Variants in WASL observed in about 807,000 individuals in gnomAD.
WASL encodes WASP like actin nucleation promoting factor, also known as actin nucleation-promoting factor WASL.
Under a neutral mutation model 55.5 loss-of-function variants are expected in WASL, and 20 were observed. The observed-to-expected ratio is 0.36, with a 90% CI of 0.25 to 0.52. The LOEUF (loss-of-function observed/expected upper bound fraction) is 0.52. Among genes scored for constraint, WASL ranks in the 20% least tolerant of loss-of-function variants. The pLI, the probability that WASL is intolerant of heterozygous loss-of-function variation, is 0.92. For synonymous variants in WASL, 249 were observed against 217.6 expected (o/e 1.14, Z -1.27); for missense variants, 504 against 622.5 (o/e 0.81, Z 2.03).
chr7:123,714,623 T>C (rs960005728), intron 1 of WASL, among the ~76,000 whole-genome samples: 1 of 152,188 alleles, frequency 6.6e-6, no homozygotes, highest in Non-Finnish European at 1.5e-5. Flanking sequence ...GTTCACCAAA[T>C]GTTTATGAAG....
intron 9 of WASL, among the ~76,000 whole-genome samples, chr7:123,691,216 C>T (rs1456935842): frequency 1.3e-5 from 2 of 152,078 alleles, no homozygotes; most frequent in African/African-American, 2.4e-5. Context: ...TTAAAACATC[C>T]TCTGTCGTCT....
chr7:123,729,632 C>T (rs1804106849), intron 1 of WASL, among the ~76,000 whole-genome samples: 2 of 152,122 alleles, frequency 1.3e-5, no homozygotes, highest in Non-Finnish European at 2.9e-5. Flanking sequence ...AATCAATCTA[C>T]AATGTAGCAC....
rs565880697 is a variant in WASL, at chr7:123,702,311, C to G, written c.460+2323G>C. Among the ~76,000 whole-genome samples, 342 of 152,294 alleles carry G rather than the reference C, an allele frequency of 2.2e-3. 1 individual carries two copies. The highest frequency in any genetic ancestry group is 7.8e-3 in the African/African-American group (325 of 41,560). On this transcript the variant is annotated intron_variant, in intron 5 of 10. Coordinates refer to ENST00000223023, the MANE Select transcript of WASL (RefSeq NM_003941.4). ...CCTCAGGTGATCCGCCCACCTCAGC[C>G]TCCCAAAGTGCTGGGATTACAGGCG...
rs1268973545 is a variant in WASL, at chr7:123,748,998, G to C, written c.-264C>G. On this transcript the variant is annotated 5_prime_UTR_variant, in exon 1 of 11. Transcript: ENST00000223023. ...ATGGTCGTTGTCCTCGCACTCCGGC[G>C]ACTGCGCTAAACTCCCAACTCCTCC... The C allele has an allele frequency of 2.0e-6, 1 of 497,312 alleles. No individual in the cohort carries two copies. The highest frequency in any genetic ancestry group is 3.5e-6 in the Non-Finnish European group (1 of 284,488). The allele number at this position is 497,312 out of a possible 1,614,324, so 30.8% of individuals were successfully genotyped here. A position where few individuals can be genotyped will look rare whatever the true frequency, so the allele number is the denominator to read the frequency against.
chr7:123,732,698 C>A (rs1804159875), intron 1 of WASL, among the ~76,000 whole-genome samples: 1 of 152,162 alleles, frequency 6.6e-6, no homozygotes, highest in South Asian at 2.1e-4. Flanking sequence ...GTAAAGCCAG[C>A]ATTAAGCTAA....
At chr7:123,725,155 A>G (rs1804020530) in intron 1 of WASL, among the ~76,000 whole-genome samples, 1 of 152,206 alleles carries the variant, frequency 6.6e-6, no homozygotes, top group South Asian at 2.1e-4. Flanking sequence ...GCACGAAATA[A>G]TTTTCAGTAC....
chr7:123,733,522 T>C (rs375260822), intron 1 of WASL, among the ~76,000 whole-genome samples: 4 of 152,154 alleles, frequency 2.6e-5, no homozygotes, highest in African/African-American at 7.2e-5. Context: ...CAGGTTCACA[T>C]AGGAAAAAAA....
At position 123,737,990 on chromosome 7, in the gene WASL, A is replaced by C. The variant is rs7811676; in HGVS notation, c.117+10628T>G. Reference sequence around the variant, plus strand: ...GCTCCTCCAAGTCACTAAGACAAAAACAAATAATCCAATAGAAAATTGGTC... The same window carrying C: ...GCTCCTCCAAGTCACTAAGACAAAACCAAATAATCCAATAGAAAATTGGTC... On this transcript the variant is annotated intron_variant, in intron 1 of 10. Transcript: ENST00000223023. Among the ~76,000 whole-genome samples the C allele has an allele frequency of 2.8e-3, 425 of 152,314 alleles. 5 individuals carry two copies. Among genetic ancestry groups the C allele is most frequent in the African/African-American group, 1.0e-2 (415 of 41,576 alleles).
chr7:123,734,160 T>A (rs1008652335), intron 1 of WASL, among the ~76,000 whole-genome samples: 4 of 152,096 alleles, frequency 2.6e-5, no homozygotes, highest in Non-Finnish European at 5.9e-5. Flanking sequence ...ATTAAAAACT[T>A]CTTTCTGTGA....
At chr7:123,692,161 G>A (rs1182557756) in intron 9 of WASL, among the ~76,000 whole-genome samples, 186 bp downstream of exon 9, 1 of 152,140 alleles carries the variant, frequency 6.6e-6, no homozygotes, top group East Asian at 1.9e-4. Flanking sequence ...CTATAGAGAT[G>A]TATCAAAGCT....
At chr7:123,738,065 T>C (rs1273369118) in intron 1 of WASL, among the ~76,000 whole-genome samples, 2 of 152,112 alleles carry the variant, frequency 1.3e-5, no homozygotes, top group Non-Finnish European at 2.9e-5. Context: ...GGTCAACTGA[T>C]ATGAAAAGAT....
chr7:123,729,596 G>A (rs1427353885), intron 1 of WASL, among the ~76,000 whole-genome samples: 2 of 152,040 alleles, frequency 1.3e-5, no homozygotes, highest in Non-Finnish European at 2.9e-5. Flanking sequence ...GTAAAGTTAT[G>A]GAATAAAGAG....
At position 123,748,963 on chromosome 7, in the gene WASL, C is replaced by G; in HGVS notation, c.-229G>C. 1.8e-6 allele frequency: 1 copy of G among 554,832 alleles called. No individual in the cohort carries two copies. Among genetic ancestry groups the G allele is most frequent in the Non-Finnish European group, 3.2e-6 (1 of 315,052 alleles). 34.4% of individuals were successfully genotyped at this position (554,832 alleles called of 1,614,324 possible). On this transcript the variant is annotated 5_prime_UTR_variant, in exon 1 of 11. Transcript: ENST00000223023. ...AGCTCCCGGCACCCGCCCGGCCAGG[C>G]TAGGGCCGGATGGTCGTTGTCCTCG... is the stretch of plus-strand genomic sequence containing the variant.
At position 123,689,120 on chromosome 7, in the gene WASL, T is replaced by G. The variant is rs1180860480; in HGVS notation, c.1378A>C (p.Thr460Pro). The change falls in exon 10 of 11, where the codon ACA (threonine) becomes CCA (proline). Residue 460 changes from threonine (T) to proline (P), a missense_variant. Around this residue, in one of 5 missense-constraint regions of WASL, gnomAD observed 53 missense variants for 69.1 expected, o/e 0.77. Coordinates refer to ENST00000223023, the MANE Select transcript of WASL (RefSeq NM_003941.4). The part of the protein sequence containing the change: ...VADGQESTPP[T>P]PAPTSGIVGA... The stretch of plus-strand genomic sequence containing the variant: ...ACAATTCCTGAAGTGGGTGCAGGTG[T>G]TGGTGGTGTAGACTCTTGGCCATCA... The G allele has an allele frequency of 3.1e-6, 5 of 1,613,908 alleles. No homozygotes were observed. Among genetic ancestry groups the G allele is most frequent in the South Asian group, 1.1e-5 (1 of 91,064 alleles).
In WASL at chr7:123,704,615, T is replaced by C. The variant is rs768816037; in HGVS notation, c.460+19A>G. ...GTCATCTAAAATCTTAAAAGATTAA[T>C]AATTGTCAAAAAGCTTACCATTTGG... On this transcript the variant is annotated intron_variant, in intron 5 of 10. Transcript: ENST00000223023. 1 of 1,509,788 alleles carries C rather than the reference T, an allele frequency of 6.6e-7. No homozygotes were observed. 93.5% of individuals were successfully genotyped at this position (1,509,788 alleles called of 1,614,324 possible). A position where few individuals can be genotyped will look rare whatever the true frequency, so the allele number is the denominator to read the frequency against.
At chr7:123,713,835 G>A (rs559666560) in intron 1 of WASL, among the ~76,000 whole-genome samples, 8 of 152,108 alleles carry the variant, frequency 5.3e-5, no homozygotes, top group South Asian at 2.1e-4. Context: ...ACTCCATATC[G>A]CAGGGTTCTG....
intron 1 of WASL, among the ~76,000 whole-genome samples, chr7:123,734,801 T>G (rs1056362549): frequency 6.6e-6 from 1 of 152,098 alleles, no homozygotes; most frequent in Non-Finnish European, 1.5e-5. Context: ...CTATGAACTT[T>G]AGTTAATAAT....
intron 1 of WASL, among the ~76,000 whole-genome samples, chr7:123,723,333 TAAGA>T (rs1201271158): frequency 1.3e-5 from 2 of 152,056 alleles, no homozygotes; most frequent in East Asian, 3.9e-4. Flanking sequence ...CTTCCAAAAA[TAAGA>T]AAGATAACAT....
intron 1 of WASL, among the ~76,000 whole-genome samples, chr7:123,729,724 T>A (rs1804108054): frequency 6.6e-6 from 1 of 152,202 alleles, no homozygotes; most frequent in African/African-American, 2.4e-5. Flanking sequence ...AACAGTGAAT[T>A]TCTGACAGTT....
Sources: allele counts gnomAD v4.1 joint callset (sites outside exome capture counted in the v4.1 genomes callset), GRCh38; gene constraint gnomAD v4.1.1; regional missense constraint gnomAD v4.1.1; transcripts MANE v1.5; gene names NCBI Gene and HGNC (gene_info 2026-07-23, HGNC 2026-07-21).